Variants in AGO4 observed in about 807,000 individuals in gnomAD.
AGO4 encodes protein argonaute-4.
In AGO4, 33 loss-of-function variants were observed where a neutral mutation model predicts 104.7. That is an observed-to-expected ratio of 0.32 (90% CI 0.24 to 0.42). AGO4 has a LOEUF of 0.42. AGO4 is among the 10% of genes least tolerant of loss of function. The pLI is 1.00. For missense variants in AGO4, 711 were observed against 1,083.4 expected (o/e 0.66, Z 4.83); for synonymous variants, 331 against 364.7 (o/e 0.91, Z 1.05).
chr1:35,808,651 G>T lies in AGO4; in HGVS notation c.19+216G>T, dbSNP rs769750252. ...CGTTGGGTGGATCCCGAGGTCCAGG[G>T]GGGAGGTTCGGGAAGGTGACCGGCG... On this transcript the variant is annotated intron_variant, in intron 1 of 17. Transcript: ENST00000373210. This position sits in a 1 kb window ranked among gnomAD's most constrained non-coding sequence, Gnocchi z 5.2. Among the ~76,000 whole-genome samples, 18 of 152,250 alleles carry T rather than the reference G, an allele frequency of 1.2e-4. No individual in the cohort carries two copies. Among genetic ancestry groups the T allele is most frequent in the African/African-American group, 3.6e-4 (15 of 41,580 alleles).
chr1:35,809,769 G>T (rs971804714), intron 1 of AGO4, among the ~76,000 whole-genome samples: 1 of 151,992 alleles, frequency 6.6e-6, no homozygotes, highest in Non-Finnish European at 1.5e-5. Flanking sequence ...TCATTTTCTC[G>T]TCTATAAATT....
In AGO4 at chr1:35,808,315, A is replaced by T; in HGVS notation, c.-102A>T. On this transcript the variant is annotated 5_prime_UTR_variant, in exon 1 of 18. Transcript: ENST00000373210. The surrounding 1 kb of genome is among the most constrained non-coding windows in gnomAD (Gnocchi z 5.2). ...GTCTCCGCGGCGCCACCCCAGCGCC[A>T]ATATTCCGGAGATCAAGCGTTACGC... 1 of 698,986 alleles carries T rather than the reference A, an allele frequency of 1.4e-6. No individual in the cohort carries two copies. The highest frequency in any genetic ancestry group is 1.8e-6 in the Non-Finnish European group (1 of 567,786). 43.3% of individuals were successfully genotyped at this position (698,986 alleles called of 1,614,324 possible). A position where few individuals can be genotyped will look rare whatever the true frequency, so the allele number is the denominator to read the frequency against.
At chr1:35,833,650 T>C (rs1001995535) in intron 11 of AGO4, among the ~76,000 whole-genome samples, 4 of 152,206 alleles carry the variant, frequency 2.6e-5, no homozygotes, top group African/African-American at 9.7e-5. Context: ...TTGACCCTGC[T>C]TTTCTTCAGT....
intron 1 of AGO4, among the ~76,000 whole-genome samples, chr1:35,810,224 G>A (rs1643455202): frequency 6.6e-6 from 1 of 152,180 alleles, no homozygotes; most frequent in East Asian, 1.9e-4. Context: ...TCCTTTTTTG[G>A]TGTTGCAGTA....
chr1:35,835,898 TGTA>T lies in AGO4; in HGVS notation c.1632_1634del (p.Val545del), dbSNP rs1379446890. ...CCACACAGTGTGTCCAGGTAAAAAA[TGTA>T]GTGAAGACCTCACCTCAAACCCTTT... is the stretch of plus-strand genomic sequence containing the variant. On this transcript the variant is annotated inframe_deletion, in exon 13 of 18. Transcript: ENST00000373210. 6.2e-7 allele frequency: 1 copy of T among 1,614,018 alleles called. No homozygotes were observed. Among genetic ancestry groups the T allele is most frequent in the Non-Finnish European group, 8.5e-7 (1 of 1,179,952 alleles).
chr1:35,818,809 T>G (rs1457398061), intron 2 of AGO4, among the ~76,000 whole-genome samples: 1 of 152,104 alleles, frequency 6.6e-6, no homozygotes, highest in East Asian at 1.9e-4. Flanking sequence ...CATGCAGAAC[T>G]TGTAGGCATT....
chr1:35,843,335 G>T (rs1024703003), intron 15 of AGO4, among the ~76,000 whole-genome samples: 2 of 152,096 alleles, frequency 1.3e-5, no homozygotes, highest in Admixed American at 1.3e-4. Context: ...CAAAGTGCTG[G>T]GATTACAGGT....
intron 1 of AGO4, among the ~76,000 whole-genome samples, chr1:35,809,056 G>A (rs1183266677): frequency 6.6e-6 from 1 of 152,172 alleles, no homozygotes. Context: ...AGTGGTCTGA[G>A]CCAGCCTTTG....
At chr1:35,835,770 C>T in intron 12 of AGO4, 64 bp from the exon 13 acceptor site, 7 of 1,394,552 alleles carry the variant, frequency 5.0e-6, no homozygotes, top group South Asian at 2.9e-5. Context: ...GGGTTTTTTT[C>T]CTTCTGCTTT....
rs540968408 is a variant in AGO4 at position 35,826,722 on chromosome 1, G to C, written c.761-26G>C. ...GCCACTGTGATTTTAATTAACTGAT[G>C]TTTTGCCTTTTAAAAAAAATTTCAG... On this transcript the variant is annotated intron_variant, in intron 6 of 17. Transcript: ENST00000373210. 5 of 1,591,322 alleles carry C rather than the reference G, an allele frequency of 3.1e-6. No homozygotes were observed. The South Asian group carries it at 5.5e-5, about 18-fold the overall frequency.
rs1305191855 is a variant in AGO4 at position 35,854,583 on chromosome 1, A to G, written c.*978A>G. 6.6e-6 allele frequency: 1 copy of G among 152,636 alleles called. No homozygotes were observed. The highest frequency in any genetic ancestry group is 1.5e-5 in the Non-Finnish European group (1 of 68,038). 9.5% of individuals were successfully genotyped at this position (152,636 alleles called of 1,614,324 possible). A position where few individuals can be genotyped will look rare whatever the true frequency, so the allele number is the denominator to read the frequency against. On this transcript the variant is annotated 3_prime_UTR_variant, in exon 18 of 18. Transcript: ENST00000373210. ...TATGATTTTATCAGCTATTTCTTAT[A>G]TATCATAATCTGGCAATTTCTGAAA...
chr1:35,827,570 C>G (rs1339907322), intron 7 of AGO4, among the ~76,000 whole-genome samples: 1 of 152,064 alleles, frequency 6.6e-6, no homozygotes, highest in Admixed American at 6.6e-5. Flanking sequence ...TTTTCAAGAT[C>G]ACGAGAATCT....
intron 7 of AGO4, among the ~76,000 whole-genome samples, chr1:35,828,103 A>G (rs1195549808): frequency 6.6e-6 from 1 of 152,126 alleles, no homozygotes; most frequent in Non-Finnish European, 1.5e-5. Flanking sequence ...GATATCATAT[A>G]AGGCTGTCAG....
chr1:35,826,641 A>G (rs1644026582), intron 6 of AGO4, 107 bp from the exon 7 acceptor site: 3 of 1,038,506 alleles, frequency 2.9e-6, no homozygotes, highest in South Asian at 2.7e-5. Context: ...TATTCTTGCA[A>G]TTTTTATCCT....
In AGO4 at chr1:35,857,578, C is replaced by T. The variant is rs1340610471; in HGVS notation, c.*3973C>T. The T allele has an allele frequency of 6.6e-6, 1 of 152,064 alleles. No individual in the cohort carries two copies. The highest frequency in any genetic ancestry group is 1.5e-5 in the Non-Finnish European group (1 of 68,006). 9.4% of individuals were successfully genotyped at this position (152,064 alleles called of 1,614,324 possible). A position where few individuals can be genotyped will look rare whatever the true frequency, so the allele number is the denominator to read the frequency against. On this transcript the variant is annotated 3_prime_UTR_variant, in exon 18 of 18. Transcript: ENST00000373210. ...CCTCATGTTGAGATAAGATGATGGT[C>T]GTTTAAATTTTGCAATTTTTTTTGG...
intron 1 of AGO4, among the ~76,000 whole-genome samples, chr1:35,815,065 A>G (rs1571255573): frequency 6.6e-6 from 1 of 152,054 alleles, no homozygotes. Flanking sequence ...TTTAGTAGAG[A>G]CGGGGTTTTA....
At chr1:35,816,798 CAA>C (rs72065876) in intron 1 of AGO4, 82 bp from the exon 2 acceptor site, 30,951 of 975,342 alleles carry the variant, frequency 0.032, no homozygotes, top group South Asian at 0.049. Context: ...AACTCTGTCT[CAA>C]AAAAAAAAAA....
At chr1:35,810,673 G>T (rs1402310500) in intron 1 of AGO4, among the ~76,000 whole-genome samples, 1 of 152,094 alleles carries the variant, frequency 6.6e-6, no homozygotes, top group African/African-American at 2.4e-5. Flanking sequence ...GACTTCATTA[G>T]GGTTTCAAAG....
In AGO4 at chr1:35,825,326, T is replaced by A; in HGVS notation, c.320T>A (p.Val107Glu). ...PIGRDRVDME[V>E]TLPGEGKDQT... ...TTTTTTCCTTAGGTTGATATGGAGGTGACTCTTCCAGGCGAGGGTAAAGAC... is the reference window on the plus strand; with the variant it reads ...TTTTTTCCTTAGGTTGATATGGAGGAGACTCTTCCAGGCGAGGGTAAAGAC... Residue 107 changes from valine to glutamate, a missense_variant, in exon 4 of 18, where the codon GTG becomes GAG. Val to Glu is a moderately radical substitution (Grantham distance 121). Transcript: ENST00000373210. 1 of 1,613,872 alleles carries A rather than the reference T, an allele frequency of 6.2e-7. No homozygotes were observed. Among genetic ancestry groups the A allele is most frequent in the Non-Finnish European group, 8.5e-7 (1 of 1,179,900 alleles).
Sources: gnomAD v4.1 joint callset for allele counts (sites outside exome capture counted in the v4.1 genomes callset) on GRCh38, gnomAD v4.1.1 for gene constraint, Gnocchi (gnomAD v3.1) non-coding constraint, MANE v1.5 for transcripts, NCBI Gene and HGNC (gene_info 2026-07-23, HGNC 2026-07-21) for gene names.